The following ERICH3 variants were observed in gnomAD, a reference collection of about 807,000 sequenced individuals.
ERICH3 encodes glutamate rich 3.
ERICH3 carries 126 observed loss-of-function variants against 131.1 expected under a neutral mutation model. That is an observed-to-expected ratio of 0.96 (90% confidence interval 0.83 to 1.11). The LOEUF is 1.11. Among genes scored for constraint, ERICH3 ranks in the 50% most tolerant of loss-of-function variants. The pLI is 0.00. For synonymous variants in ERICH3, 695 were observed against 644.6 expected (o/e 1.08, Z -1.18); for missense variants, 2,050 against 1,810.7 (o/e 1.13, Z -2.40).
In ERICH3 at chr1:74,638,549, G is replaced by C. The variant is rs563331731; in HGVS notation, c.445-2111C>G. ...TGAATATCCGACTGGGAAGAAAGCTGGTTGTGAGCAAGACATGGGAAGAGT... is the reference window on the plus strand; with the variant it reads ...TGAATATCCGACTGGGAAGAAAGCTCGTTGTGAGCAAGACATGGGAAGAGT... On this transcript the variant is annotated intron_variant, in intron 5 of 14. Transcript: ENST00000326665. Among the ~76,000 whole-genome samples the C allele has an allele frequency of 3.3e-4, 50 of 152,312 alleles. No individual in the cohort carries two copies. In the South Asian group the frequency reaches 0.01, roughly 31 times the overall value.
intron 5 of ERICH3, 70 bp from the exon 6 acceptor site, chr1:74,636,508 C>A: frequency 1.4e-6 from 2 of 1,419,966 alleles, no homozygotes; most frequent in Non-Finnish European, 1.9e-6. Flanking sequence ...AATTAATAAC[C>A]CAATAAATTG....
intron 13 of ERICH3, among the ~76,000 whole-genome samples, chr1:74,574,676 G>T (rs1465534230): frequency 6.6e-6 from 1 of 152,018 alleles, no homozygotes; most frequent in Non-Finnish European, 1.5e-5. Context: ...GGTAAACCTG[G>T]GTGCACAAGC....
intron 7 of ERICH3, among the ~76,000 whole-genome samples, chr1:74,627,277 T>C (rs1193832808): frequency 2.0e-5 from 3 of 151,948 alleles, no homozygotes; most frequent in African/African-American, 4.8e-5. Context: ...GATGGGTAGA[T>C]TTATGGGTGA....
In ERICH3 at chr1:74,603,442, G is replaced by A. The variant is rs144495602; in HGVS notation, c.1489+3159C>T. ...AATGGTGAGGATAAAATGAGACAGT[G>A]TGTGCACAGTGCCTAGTTTGGTGCT... On this transcript the variant is annotated intron_variant, in intron 10 of 14. Transcript: ENST00000326665. 9.0e-3 allele frequency among the ~76,000 whole-genome samples: 1,373 copies of A among 152,016 alleles called. 20 individuals are homozygous for A. The highest frequency in any genetic ancestry group is 0.031 in the African/African-American group (1,292 of 41,512).
At chr1:74,610,805 C>A (rs755944716) in intron 9 of ERICH3, among the ~76,000 whole-genome samples, 2 of 152,044 alleles carry the variant, frequency 1.3e-5, no homozygotes, top group African/African-American at 4.8e-5. Context: ...GTGCCATGAT[C>A]ACCAGTAACC....
chr1:74,666,938 C>T (rs1341459244), intron 1 of ERICH3, among the ~76,000 whole-genome samples: 9 of 152,054 alleles, frequency 5.9e-5, no homozygotes, highest in Admixed American at 1.3e-4. Context: ...AAATGCAGTG[C>T]CTACAGATTC....
chr1:74,600,050 CT>C, intron 10 of ERICH3, 119 bp from the exon 11 acceptor site: 1 of 711,958 alleles, frequency 1.4e-6, no homozygotes, highest in Middle Eastern at 4.1e-4. Context: ...TTCTTTGCTT[CT>C]TCTTTTTCGT....
At chr1:74,590,335 T>A (rs1447134118) in intron 11 of ERICH3, among the ~76,000 whole-genome samples, 1 of 152,170 alleles carries the variant, frequency 6.6e-6, no homozygotes. Context: ...TGCATTACAT[T>A]TATTGTGCAC....
At chr1:74,623,049 A>G (rs1446514859) in intron 7 of ERICH3, 1 of 152,210 alleles carries the variant, frequency 6.6e-6, no homozygotes, top group African/African-American at 2.4e-5. Context: ...TATACTTACC[A>G]TCTTGCAAAG....
chr1:74,646,730 A>G lies in ERICH3; in HGVS notation c.180T>C (p.Asp60=). 1 of 1,502,612 alleles carries G rather than the reference A, an allele frequency of 6.7e-7. No homozygotes were observed. The highest frequency in any genetic ancestry group is 2.5e-5 in the East Asian group (1 of 39,960). 93.1% of individuals were successfully genotyped at this position (1,502,612 alleles called of 1,614,324 possible). A position where few individuals can be genotyped will look rare whatever the true frequency, so the allele number is the denominator to read the frequency against. The change falls in exon 3 of 15, where the codon GAT becomes GAC. Residue 60 remains aspartate (D), a synonymous_variant. Coordinates refer to ENST00000326665, the MANE Select transcript of ERICH3 (RefSeq NM_001002912.5). ...AGCATTCCCGGATATATTTTTGATG[A>G]TCCCGCTTCATCATATTTAGTTTAT... ...KEYKLNMMKR[D]HQKYIRECLA...
chr1:74,660,593 G>T (rs1287091590), intron 1 of ERICH3, among the ~76,000 whole-genome samples: 1 of 86,448 alleles, frequency 1.2e-5, no homozygotes, highest in Admixed American at 1.3e-4. Flanking sequence ...AGACACACAA[G>T]TGTATATATA....
At chr1:74,651,388 A>C (rs1186820773) in intron 1 of ERICH3, among the ~76,000 whole-genome samples, 1 of 152,154 alleles carries the variant, frequency 6.6e-6, no homozygotes, top group Non-Finnish European at 1.5e-5. Context: ...CCCTAGGTTT[A>C]TGTAAAAAGA....
intron 7 of ERICH3, among the ~76,000 whole-genome samples, chr1:74,627,194 C>A (rs1257470896): frequency 6.6e-6 from 1 of 152,036 alleles, no homozygotes; most frequent in African/African-American, 2.4e-5. Context: ...CAACAGACAT[C>A]TAGCATGAAA....
At chr1:74,658,592 A>T (rs1646607522) in intron 1 of ERICH3, among the ~76,000 whole-genome samples, 1 of 148,414 alleles carries the variant, frequency 6.7e-6, no homozygotes. Context: ...TATTGAGCAT[A>T]TTATACAAAG....
At position 74,571,401 on chromosome 1, in the gene ERICH3, G is replaced by C; in HGVS notation, c.4309C>G (p.Leu1437Val). The change falls in exon 14 of 15, where the codon CTG becomes GTG. Residue 1437 changes from leucine to valine, a missense_variant. Physicochemically the swap from Leu to Val is conservative, Grantham distance 32 (BLOSUM62 1). Coordinates refer to ENST00000326665, the MANE Select transcript of ERICH3 (RefSeq NM_001002912.5). ...TEAGVGTPGA[L>V]ERKTSGLGQE... ...CCTAGCCCTGAGGTCTTCCGCTCCA[G>C]GGCTCCTGGAGTGCCCACCCCAGCC... The C allele has an allele frequency of 1.2e-6, 2 of 1,613,908 alleles. No homozygotes were observed.
intron 1 of ERICH3, among the ~76,000 whole-genome samples, chr1:74,671,901 T>A (rs1437701848): frequency 6.6e-6 from 1 of 152,186 alleles, no homozygotes; most frequent in Non-Finnish European, 1.5e-5. Context: ...TGCCTACTTT[T>A]CAGGAGCTTA....
At chr1:74,598,956 T>G (rs1647987302) in intron 11 of ERICH3, among the ~76,000 whole-genome samples, 1 of 151,958 alleles carries the variant, frequency 6.6e-6, no homozygotes, top group African/African-American at 2.4e-5. Context: ...ACTTTCATAT[T>G]GCTATTAGCA....
intron 5 of ERICH3, among the ~76,000 whole-genome samples, chr1:74,637,514 G>A (rs1212070363): frequency 6.6e-6 from 1 of 152,208 alleles, no homozygotes; most frequent in East Asian, 1.9e-4. Flanking sequence ...CTGAGCCACT[G>A]ACTGATTCAT....
intron 4 of ERICH3, among the ~76,000 whole-genome samples, chr1:74,642,088 A>G (rs1646442646): frequency 6.6e-6 from 1 of 152,116 alleles, no homozygotes; most frequent in Non-Finnish European, 1.5e-5. Flanking sequence ...GATAAATTAC[A>G]GAATCTATGA....
Sources: allele counts gnomAD v4.1 joint callset (sites outside exome capture counted in the v4.1 genomes callset), GRCh38; gene constraint gnomAD v4.1.1; transcripts MANE v1.5; gene names NCBI Gene and HGNC (gene_info 2026-07-23, HGNC 2026-07-21).